Variants in COMMD1 observed in about 807,000 individuals in gnomAD.
The protein encoded by COMMD1 is copper metabolism domain containing 1.
In COMMD1, 10 loss-of-function variants were observed where a neutral mutation model predicts 17.2. That is an observed-to-expected ratio of 0.58 (90% CI 0.36 to 0.99). The LOEUF is 0.99. Ranked by LOEUF, COMMD1 falls within the 50% of genes least tolerant of loss-of-function variation. The probability of loss-of-function intolerance (pLI) is 0.01; values close to 1 mark genes in which losing one functional copy is unlikely to be tolerated. For missense variants in COMMD1, 270 were observed against 231.8 expected (o/e 1.17, Z -1.07); for synonymous variants, 97 against 91.6 (o/e 1.06, Z -0.34).
chr2:61,984,209 A>G (rs1348434181), intron 1 of COMMD1, among the ~76,000 whole-genome samples: 1 of 152,098 alleles, frequency 6.6e-6, no homozygotes, highest in Non-Finnish European at 1.5e-5. Flanking sequence ...TGTTTTTAGT[A>G]GAGATGGGGT....
intron 2 of COMMD1, among the ~76,000 whole-genome samples, chr2:62,083,785 T>C (rs1248136143): frequency 6.6e-6 from 1 of 152,242 alleles, no homozygotes; most frequent in African/African-American, 2.4e-5. Flanking sequence ...TTATGGATGA[T>C]ACTCAAGTGT....
intron 1 of COMMD1, among the ~76,000 whole-genome samples, chr2:61,966,313 C>A (rs376615332): frequency 6.6e-6 from 1 of 152,128 alleles, no homozygotes; most frequent in South Asian, 2.1e-4. Context: ...TACATGAAGT[C>A]ATTGAGCTTT....
At chr2:62,081,855 A>C (rs1042605748) in intron 2 of COMMD1, among the ~76,000 whole-genome samples, 1 of 152,014 alleles carries the variant, frequency 6.6e-6, no homozygotes, top group African/African-American at 2.4e-5. Flanking sequence ...CAAATATGTC[A>C]ATCTTATGCT....
chr2:62,013,373 G>A (rs1669342407), intron 2 of COMMD1, among the ~76,000 whole-genome samples: 1 of 152,134 alleles, frequency 6.6e-6, no homozygotes, highest in Non-Finnish European at 1.5e-5. Flanking sequence ...CCAAAAAATA[G>A]TAGAAATGAG....
At chr2:62,047,700 G>T (rs1248234377) in intron 2 of COMMD1, among the ~76,000 whole-genome samples, 1 of 152,032 alleles carries the variant, frequency 6.6e-6, no homozygotes, top group Admixed American at 6.5e-5. Flanking sequence ...TGATCCACTT[G>T]CCTCGGCCTC....
chr2:62,131,709 A>G (rs1673037988), intron 2 of COMMD1, among the ~76,000 whole-genome samples: 1 of 151,778 alleles, frequency 6.6e-6, no homozygotes, highest in South Asian at 2.1e-4. Context: ...TGCCCAGCTT[A>G]TTTTTATACT....
At chr2:62,087,567 G>A (rs1366544960) in intron 2 of COMMD1, among the ~76,000 whole-genome samples, 2 of 152,148 alleles carry the variant, frequency 1.3e-5, no homozygotes, top group Admixed American at 1.3e-4. Flanking sequence ...CCAACATGAC[G>A]AAACCCCGTC....
At position 62,135,868 on chromosome 2, in the gene COMMD1, A is replaced by C; in HGVS notation, c.500A>C (p.Lys167Thr). The C allele has an allele frequency of 6.3e-7, 1 of 1,599,862 alleles. No individual in the cohort carries two copies. Among genetic ancestry groups the C allele is most frequent in the Middle Eastern group, 1.7e-4 (1 of 6,036 alleles). Residue 167 changes from lysine (K) to threonine (T), a missense_variant, in exon 3 of 3, where the codon AAA (lysine) becomes ACA (threonine). By Grantham distance (78) the Lys-to-Thr change is moderately conservative (BLOSUM62 -1). Transcript: ENST00000311832. ...CTGTGTTTGGAATTTGATGAGGTCA[A>C]AGTCAACCAAATTCTGAAGACGCTG... is the stretch of plus-strand genomic sequence containing the variant. ...EFLCLEFDEV[K>T]VNQILKTLSE...
intron 2 of COMMD1, among the ~76,000 whole-genome samples, chr2:62,017,272 C>G (rs1669474408): frequency 6.6e-6 from 1 of 152,188 alleles, no homozygotes; most frequent in African/African-American, 2.4e-5. Flanking sequence ...GTGAATGTAA[C>G]AGTGTTGATC....
At chr2:62,076,910 TC>T (rs1168242227) in intron 2 of COMMD1, among the ~76,000 whole-genome samples, 8 of 152,270 alleles carry the variant, frequency 5.3e-5, no homozygotes, top group Non-Finnish European at 1.0e-4. Context: ...GGCGGGAGGA[TC>T]ATTTGAGCCC....
chr2:62,042,720 G>A (rs151117563), intron 2 of COMMD1, among the ~76,000 whole-genome samples: 12 of 152,314 alleles, frequency 7.9e-5, no homozygotes, highest in Admixed American at 6.5e-4. Context: ...AGGAGGTGCC[G>A]AGAGCGAATG....
At chr2:62,113,732 T>C (rs1672517667) in intron 2 of COMMD1, among the ~76,000 whole-genome samples, 2 of 152,246 alleles carry the variant, frequency 1.3e-5, no homozygotes, top group African/African-American at 4.8e-5. Flanking sequence ...ACCTTCAGGA[T>C]ATAGTATGTC....
intron 2 of COMMD1, among the ~76,000 whole-genome samples, chr2:62,087,489 T>C (rs143420157): frequency 0.014 from 2,165 of 152,352 alleles, 20 homozygotes; most frequent in South Asian, 0.022. Context: ...CTCATGCCTA[T>C]AATCCCAGCA....
At chr2:61,916,811 A>G (rs540377918) in intron 1 of COMMD1, among the ~76,000 whole-genome samples, 1 of 152,302 alleles carries the variant, frequency 6.6e-6, no homozygotes, top group East Asian at 1.9e-4. Flanking sequence ...AATTTAGTCC[A>G]TTTGTACCCA....
intron 1 of COMMD1, among the ~76,000 whole-genome samples, chr2:61,971,379 A>G (rs1261300225): frequency 6.6e-6 from 1 of 152,188 alleles, no homozygotes; most frequent in Non-Finnish European, 1.5e-5. Flanking sequence ...ATGGGCACGT[A>G]AAAGAAAGTG....
intron 2 of COMMD1, among the ~76,000 whole-genome samples, chr2:62,127,357 A>C (rs532078073): frequency 9.2e-5 from 14 of 152,250 alleles, no homozygotes; most frequent in Non-Finnish European, 1.6e-4. Flanking sequence ...GACATTCTTC[A>C]TGGAATTAGA....
At chr2:61,917,106 C>A (rs1670070632) in intron 1 of COMMD1, among the ~76,000 whole-genome samples, 1 of 152,068 alleles carries the variant, frequency 6.6e-6, no homozygotes, top group African/African-American at 2.4e-5. Context: ...GTAATCCCAG[C>A]ACTTTTGGAG....
intron 2 of COMMD1, among the ~76,000 whole-genome samples, chr2:62,117,363 G>A (rs1672636539): frequency 6.6e-6 from 1 of 152,212 alleles, no homozygotes; most frequent in Admixed American, 6.5e-5. Context: ...TTTCCTTTGA[G>A]TCTTTCTTAA....
chr2:61,900,062 AG>A (rs1383410477), intron 1 of COMMD1, among the ~76,000 whole-genome samples: 2 of 152,264 alleles, frequency 1.3e-5, no homozygotes, highest in Admixed American at 1.3e-4. Context: ...TCATGTTAAA[AG>A]AAAAACCAAA....
Sources: allele counts gnomAD v4.1 joint callset (sites outside exome capture counted in the v4.1 genomes callset), GRCh38; gene constraint gnomAD v4.1.1; transcripts MANE v1.5; gene names NCBI Gene and HGNC (gene_info 2026-07-23, HGNC 2026-07-21).